ELF2: variants seen among roughly 807,000 people sequenced by gnomAD.
ELF2 encodes E74 like ETS transcription factor 2, also known as ETS-related transcription factor Elf-2.
Under a neutral mutation model 54.8 loss-of-function variants are expected in ELF2, and 11 were observed. The observed-to-expected ratio is 0.20, with a 90% CI of 0.13 to 0.33. The LOEUF is 0.33. ELF2 is among the 10% of genes least tolerant of loss of function. The pLI is 1.00. For synonymous variants in ELF2, 203 were observed against 245.1 expected (o/e 0.83, Z 1.61); for missense variants, 513 against 703.0 (o/e 0.73, Z 3.06).
In ELF2 at chr4:139,108,622, G is replaced by C. The variant is rs140268025; in HGVS notation, c.238+16542C>G. On this transcript the variant is annotated intron_variant, in intron 4 of 9. Transcript: ENST00000686138. ...ATATTCTAAAAAAAAAAAAAATTCT[G>C]TGCTTTCTAAAAATGCCACAGAATG... 6.3e-3 allele frequency among the ~76,000 whole-genome samples: 963 copies of C among 151,800 alleles called. 13 individuals are homozygous for C. Among genetic ancestry groups the C allele is most frequent in the African/African-American group, 0.022 (927 of 41,416 alleles).
chr4:139,148,316 ATTTTTTTTTTTTTTTTTTT>A (rs772079635), intron 1 of ELF2, among the ~76,000 whole-genome samples: 69 of 64,572 alleles, frequency 1.1e-3, no homozygotes, highest in Middle Eastern at 0.019. Flanking sequence ...TACCTGGCTA[ATTTTTTTTTTTTTTTTTTT>A]TTTTTTTTTT....
chr4:139,088,835 C>T (rs1264972478), intron 4 of ELF2, among the ~76,000 whole-genome samples: 4 of 151,976 alleles, frequency 2.6e-5, no homozygotes, highest in African/African-American at 9.7e-5. Context: ...CTTGGCTCAC[C>T]GCAACCTGCG....
intron 1 of ELF2, among the ~76,000 whole-genome samples, chr4:139,159,108 G>C (rs1740840504): frequency 6.6e-6 from 1 of 152,174 alleles, no homozygotes; most frequent in Non-Finnish European, 1.5e-5. Flanking sequence ...CTGTGGGAAA[G>C]GTCTCTATCC....
At chr4:139,133,203 G>A (rs1737730761) in intron 3 of ELF2, among the ~76,000 whole-genome samples, 1 of 152,110 alleles carries the variant, frequency 6.6e-6, no homozygotes, top group Non-Finnish European at 1.5e-5. Flanking sequence ...TTACAGGCGT[G>A]AGCCACCACG....
chr4:139,177,749 C>A (rs1743123891), upstream of ELF2, among the ~76,000 whole-genome samples: 2 of 152,130 alleles, frequency 1.3e-5, no homozygotes, highest in East Asian at 3.9e-4. Flanking sequence ...CACTCAGGGC[C>A]CCCGCAGGCC....
intron 1 of ELF2, among the ~76,000 whole-genome samples, chr4:139,162,122 G>A (rs1003826995): frequency 2.6e-5 from 4 of 152,102 alleles, no homozygotes; most frequent in Admixed American, 2.6e-4. Flanking sequence ...GCATGGTGGA[G>A]CATGCCTGGA....
intron 3 of ELF2, among the ~76,000 whole-genome samples, chr4:139,134,377 T>C (rs567448290): frequency 6.6e-6 from 1 of 151,870 alleles, no homozygotes; most frequent in Non-Finnish European, 1.5e-5. Context: ...TGTGTTTTCA[T>C]TGTTTTTGTT....
chr4:139,081,143 C>G (rs138593193), intron 4 of ELF2, among the ~76,000 whole-genome samples: 2 of 152,128 alleles, frequency 1.3e-5, no homozygotes, highest in East Asian at 3.9e-4. Flanking sequence ...AGGGTCAAGG[C>G]TCGTTCTCAT....
intron 4 of ELF2, chr4:139,084,429 CAGG>C (rs1731696680): frequency 1.1e-5 from 13 of 1,214,610 alleles, no homozygotes; most frequent in Non-Finnish European, 1.3e-5. Flanking sequence ...GCAGGGGCGG[CAGG>C]GGCAGGGGCG....
chr4:139,143,825 A>G (rs1049097574), intron 1 of ELF2, among the ~76,000 whole-genome samples: 1 of 152,074 alleles, frequency 6.6e-6, no homozygotes, highest in Admixed American at 6.5e-5. Flanking sequence ...TTCAAAAACT[A>G]TATATATGAA....
chr4:139,135,896 G>GA (rs1738102117), intron 3 of ELF2, among the ~76,000 whole-genome samples: 1 of 152,138 alleles, frequency 6.6e-6, no homozygotes, highest in Admixed American at 6.5e-5. Context: ...TCCTGGCCGT[G>GA]AACACTGAAG....
At chr4:139,120,456 A>G (rs560044706) in intron 4 of ELF2, among the ~76,000 whole-genome samples, 54 of 152,158 alleles carry the variant, frequency 3.5e-4, no homozygotes, top group South Asian at 6.2e-4. Context: ...TTCTTTTTAG[A>G]GACATGGCTC....
intron 3 of ELF2, among the ~76,000 whole-genome samples, chr4:139,129,676 T>C (rs971842111): frequency 6.6e-6 from 1 of 152,222 alleles, no homozygotes; most frequent in Admixed American, 6.5e-5. Flanking sequence ...TAGCATAGTA[T>C]AAGTACAAAG....
At position 139,085,724 on chromosome 4, in the gene ELF2, C is replaced by G. The variant is rs115106853; in HGVS notation, c.239-12157G>C. ...CTCTTTCTTGAATTAGGTAAACCTG[C>G]CATGTATGGGACATGGTAGCTTTTA... On this transcript the variant is annotated intron_variant, in intron 4 of 9. Coordinates refer to ENST00000686138, the MANE Select transcript of ELF2 (RefSeq NM_001331036.3). Among the ~76,000 whole-genome samples the G allele has an allele frequency of 2.8e-3, 426 of 152,308 alleles. 3 individuals carry two copies. The highest frequency in any genetic ancestry group is 9.6e-3 in the African/African-American group (401 of 41,564).
intron 4 of ELF2, among the ~76,000 whole-genome samples, chr4:139,080,819 C>T (rs1652650798): frequency 6.6e-6 from 1 of 151,680 alleles, no homozygotes; most frequent in African/African-American, 2.4e-5. Context: ...CAGACTTAAA[C>T]ATATAAAGAG....
rs181177850 is a variant in ELF2, at chr4:139,166,541, T to C, written c.-252+10426A>G. 5.2e-3 allele frequency among the ~76,000 whole-genome samples: 787 copies of C among 152,232 alleles called. 11 individuals carry two copies. The highest frequency in any genetic ancestry group is 0.018 in the African/African-American group (759 of 41,536). ...AATTCTAATGAAGAAACTGATTAGTTAGAAAAACTGCTAATTAAGATTAAG... is the reference window on the plus strand; with the variant it reads ...AATTCTAATGAAGAAACTGATTAGTCAGAAAAACTGCTAATTAAGATTAAG... On this transcript the variant is annotated intron_variant, in intron 1 of 9. Coordinates refer to ENST00000686138, the MANE Select transcript of ELF2 (RefSeq NM_001331036.3).
At chr4:139,071,766 T>C in intron 6 of ELF2, 100 bp downstream of exon 6, 1 of 1,125,274 alleles carries the variant, frequency 8.9e-7, no homozygotes, top group Non-Finnish European at 1.2e-6. Flanking sequence ...ACATCAATCT[T>C]AAATCTACAG....
At chr4:139,135,235 ATATGTGTGTGTGTGTGTGTGTG>A (rs1290433516) in intron 3 of ELF2, among the ~76,000 whole-genome samples, 1 of 131,886 alleles carries the variant, frequency 7.6e-6, no homozygotes, top group Non-Finnish European at 1.6e-5. Flanking sequence ...ACTACTATAT[ATATGTGTGTGTGTGTGTGTGTG>A]TGTGTGTGTG....
intron 4 of ELF2, among the ~76,000 whole-genome samples, chr4:139,121,150 C>T (rs1736286360): frequency 7.3e-6 from 1 of 136,196 alleles, no homozygotes; most frequent in Admixed American, 7.8e-5. Flanking sequence ...GCTCTGTCGC[C>T]CAGGCTGGAG....
Sources: gnomAD v4.1 joint callset for allele counts (sites outside exome capture counted in the v4.1 genomes callset) on GRCh38, gnomAD v4.1.1 for gene constraint, MANE v1.5 for transcripts, NCBI Gene and HGNC (gene_info 2026-07-23, HGNC 2026-07-21) for gene names.